The following ABHD12 variants were observed in gnomAD, a reference collection of about 807,000 sequenced individuals.
ABHD12 encodes the protein lysophosphatidylserine lipase ABHD12.
Under a neutral mutation model 58.3 loss-of-function variants are expected in ABHD12, and 43 were observed. That is an observed-to-expected ratio of 0.74 (90% CI 0.58 to 0.95). ABHD12 has a LOEUF of 0.95. Ranked by LOEUF, ABHD12 falls within the 40% of genes least tolerant of loss-of-function variation. The pLI, the probability that ABHD12 is intolerant of heterozygous loss-of-function variation, is 0.00. For missense variants in ABHD12, 539 were observed against 537.2 expected, an observed-to-expected ratio of 1.00 and a Z score of -0.03; for synonymous variants, 219 against 211.2, an observed-to-expected ratio of 1.04 and a Z score of -0.32.
At chr20:25,317,118 C>T in intron 4 of ABHD12, 40 bp from the exon 5 acceptor site, 1 of 1,554,830 alleles carries the variant, frequency 6.4e-7, no homozygotes, top group African/African-American at 1.4e-5. Flanking sequence ...CACATCTTCT[C>T]AGAGTTGGGC....
At chr20:25,300,938 TCTC>T in intron 12 of ABHD12, 54 bp from the exon 13 acceptor site, 4 of 1,569,728 alleles carry the variant, frequency 2.5e-6, no homozygotes, top group Non-Finnish European at 3.5e-6. Flanking sequence ...CAAAGATCCT[TCTC>T]CACAGTCCTC....
chr20:25,320,696 C>T (rs1190345729), intron 3 of ABHD12, among the ~76,000 whole-genome samples: 1 of 152,240 alleles, frequency 6.6e-6, no homozygotes, highest in Non-Finnish European at 1.5e-5. Flanking sequence ...CCAGTTAACC[C>T]CATGCTTAAA....
At chr20:25,299,244 A>G (rs6107025), downstream of ABHD12, among the ~76,000 whole-genome samples, 34,117 of 151,810 alleles carry the variant, frequency 0.22, 4,316 homozygotes, top group East Asian at 0.56. Flanking sequence ...AAAACATACA[A>G]GAATTAGCTG....
intron 6 of ABHD12, among the ~76,000 whole-genome samples, chr20:25,312,286 C>A (rs969229337): frequency 6.6e-6 from 1 of 152,202 alleles, no homozygotes; most frequent in Non-Finnish European, 1.5e-5. Context: ...CTGCCTGATT[C>A]TCCTGCCTCA....
intron 10 of ABHD12, 58 bp from the exon 11 acceptor site, chr20:25,303,686 C>CAGA: frequency 6.2e-7 from 1 of 1,607,856 alleles, no homozygotes. Flanking sequence ...TTGCCCAGAC[C>CAGA]CTCTGTCCAT....
chr20:25,381,484 A>G (rs187432964), intron 1 of ABHD12, among the ~76,000 whole-genome samples: 9 of 152,310 alleles, frequency 5.9e-5, no homozygotes, highest in Admixed American at 2.6e-4. Context: ...CAAATGCTCT[A>G]ATACCAACAG....
At chr20:25,349,571 A>C (rs904864615) in intron 1 of ABHD12, among the ~76,000 whole-genome samples, 1 of 152,262 alleles carries the variant, frequency 6.6e-6, no homozygotes, top group Non-Finnish European at 1.5e-5. Flanking sequence ...AGCCATAAAA[A>C]GAATGAAATT....
In ABHD12 at chr20:25,305,469, T is replaced by C. The variant is rs2088719700; in HGVS notation, c.950+1364A>G. On this transcript the variant is annotated intron_variant, in intron 10 of 12. Transcript: ENST00000339157. Reference sequence around the variant, plus strand: ...CCTCTGCCTCCCGGGTTCAAGCGATTCTCCTGCCTCAGCCTCCTGATTAGC... The same window carrying C: ...CCTCTGCCTCCCGGGTTCAAGCGATCCTCCTGCCTCAGCCTCCTGATTAGC... 4.6e-5 allele frequency among the ~76,000 whole-genome samples: 7 copies of C among 150,936 alleles called. No individual in the cohort carries two copies. The South Asian group carries it at 1.5e-3, about 32-fold the overall frequency.
intron 1 of ABHD12, among the ~76,000 whole-genome samples, chr20:25,372,186 T>C (rs2089907306): frequency 6.6e-6 from 1 of 151,868 alleles, no homozygotes; most frequent in African/African-American, 2.4e-5. Context: ...TCTTAAAGCA[T>C]GGGTCTGCTG....
exon 13 of ABHD12, chr20:25,294,778 C>T (rs892578133): frequency 7.3e-6 from 5 of 680,804 alleles, no homozygotes; most frequent in African/African-American, 1.8e-5. Flanking sequence ...TATTTCAGTG[C>T]AGTTAGCACA....
At chr20:25,369,291 T>C (rs2089867618) in intron 1 of ABHD12, among the ~76,000 whole-genome samples, 1 of 152,198 alleles carries the variant, frequency 6.6e-6, no homozygotes, top group Non-Finnish European at 1.5e-5. Flanking sequence ...CATTTTTGAA[T>C]TGGTGTTTTG....
intron 6 of ABHD12, among the ~76,000 whole-genome samples, chr20:25,312,413 G>T (rs1211001810): frequency 1.3e-5 from 2 of 152,176 alleles, no homozygotes; most frequent in Admixed American, 6.5e-5. Context: ...GCTCCTAACC[G>T]CGAGTGATCT....
At chr20:25,310,336 A>C (rs1253878822) in intron 6 of ABHD12, 1 of 152,240 alleles carries the variant, frequency 6.6e-6, no homozygotes, top group East Asian at 1.9e-4. Flanking sequence ...CTTAGGGTCT[A>C]ATTAGCATCT....
chr20:25,306,930 G>T lies in ABHD12; in HGVS notation c.868-15C>A. On this transcript the variant is annotated splice_polypyrimidine_tract_variant and intron_variant, in intron 9 of 12. Transcript: ENST00000339157. ...TATCGATATATCTGGAGACAAGATGGAAACCATTTTCAGAAGCGTTGGTTA... is the reference window on the plus strand; with the variant it reads ...TATCGATATATCTGGAGACAAGATGTAAACCATTTTCAGAAGCGTTGGTTA... 5.0e-6 allele frequency: 8 copies of T among 1,585,036 alleles called. No individual in the cohort carries two copies. The highest frequency in any genetic ancestry group is 6.9e-6 in the Non-Finnish European group (8 of 1,155,192).
At chr20:25,309,649 GGGGCCCA>G in intron 6 of ABHD12, 74 bp from the exon 7 acceptor site, 1 of 1,600,316 alleles carries the variant, frequency 6.2e-7, no homozygotes, top group Non-Finnish European at 8.5e-7. Context: ...CCTCCCCAAG[GGGGCCCA>G]GGGCCAGGAG....
At chr20:25,343,196 A>C (rs1313994042) in intron 1 of ABHD12, among the ~76,000 whole-genome samples, 1 of 152,232 alleles carries the variant, frequency 6.6e-6, no homozygotes, top group Admixed American at 6.5e-5. Context: ...TTTCTATTAA[A>C]TACATTCAAT....
intron 4 of ABHD12, among the ~76,000 whole-genome samples, chr20:25,317,661 G>A (rs190199564): frequency 1.6e-3 from 249 of 152,350 alleles, no homozygotes; most frequent in Middle Eastern, 3.4e-3. Context: ...TCCCCAGGGA[G>A]GCCCTGAAGT....
downstream of ABHD12, among the ~76,000 whole-genome samples, chr20:25,299,415 A>G (rs533759450): frequency 1.3e-3 from 196 of 151,016 alleles, 1 homozygote; most frequent in Non-Finnish European, 8.6e-4. Context: ...CAAAAAACCC[A>G]CCAGGAGCTT....
At chr20:25,315,086 G>T in intron 5 of ABHD12, 116 bp from the exon 6 acceptor site, 1 of 1,078,402 alleles carries the variant, frequency 9.3e-7, no homozygotes, top group Non-Finnish European at 1.4e-6. Context: ...CGTAGTGGCA[G>T]CTTCATAAAG....
Sources: gnomAD v4.1 joint callset for allele counts (sites outside exome capture counted in the v4.1 genomes callset) on GRCh38, gnomAD v4.1.1 for gene constraint, MANE v1.5 for transcripts, NCBI Gene and HGNC (gene_info 2026-07-23, HGNC 2026-07-21) for gene names.